Variants in C12orf42 observed in about 807,000 individuals in gnomAD.
C12orf42 encodes the protein uncharacterized protein C12orf42.
A neutral mutation model predicts 21.6 loss-of-function variants in C12orf42; 25 were observed. The observed-to-expected ratio is 1.16, with a 90% CI of 0.84 to 1.62. The LOEUF (loss-of-function observed/expected upper bound fraction) is 1.62. Among genes scored for constraint, C12orf42 ranks in the 40% most tolerant of loss-of-function variants. The pLI is 0.00. For missense variants in C12orf42, 483 were observed against 459.3 expected (o/e 1.05, Z -0.47); for synonymous variants, 174 against 175.0 (o/e 0.99, Z 0.05).
the C12orf42 span, among the ~76,000 whole-genome samples, chr12:103,075,219 T>C: frequency 6.6e-6 from 1 of 152,266 alleles, no homozygotes; most frequent in African/African-American, 2.4e-5. Flanking sequence ...TTAGTTTTCA[T>C]ATCTACTTTT....
chr12:103,190,553 T>C, the C12orf42 span, among the ~76,000 whole-genome samples: 2 of 152,112 alleles, frequency 1.3e-5, no homozygotes, highest in African/African-American at 2.4e-5. Context: ...TGAGGATAGA[T>C]AGAAATCATA....
intron 6 of C12orf42, among the ~76,000 whole-genome samples, chr12:103,269,169 T>A (rs1050214456): frequency 5.3e-5 from 8 of 152,286 alleles, no homozygotes; most frequent in Admixed American, 3.9e-4. Flanking sequence ...CAAAATGAAG[T>A]GCTATTTTAA....
chr12:103,056,136 G>A, the C12orf42 span, among the ~76,000 whole-genome samples: 7 of 152,132 alleles, frequency 4.6e-5, no homozygotes, highest in South Asian at 2.1e-4. Context: ...GGAGTATGTC[G>A]AAAGTCTCAA....
chr12:103,440,110 G>C (rs1240840858), intron 2 of C12orf42, among the ~76,000 whole-genome samples: 18 of 143,710 alleles, frequency 1.3e-4, no homozygotes, highest in Non-Finnish European at 2.1e-4. Flanking sequence ...CCTTTGTAGG[G>C]ACATGGATGA....
chr12:103,127,300 T>A, the C12orf42 span, among the ~76,000 whole-genome samples: 1 of 152,232 alleles, frequency 6.6e-6, no homozygotes, highest in Non-Finnish European at 1.5e-5. Context: ...AATATGTTAA[T>A]GGTATGGGAT....
intron 2 of C12orf42, among the ~76,000 whole-genome samples, chr12:103,464,970 C>T (rs772982925): frequency 6.6e-6 from 1 of 152,146 alleles, no homozygotes; most frequent in Non-Finnish European, 1.5e-5. Flanking sequence ...TTACTGTAGC[C>T]TTGTAGTGTA....
At chr12:103,498,044 AAAG>A (rs1955615495), upstream of C12orf42, among the ~76,000 whole-genome samples, 1 of 152,212 alleles carries the variant, frequency 6.6e-6, no homozygotes, top group African/African-American at 2.4e-5. Flanking sequence ...CAAAAAAAAA[AAAG>A]AAGAAAGAGA....
chr12:103,104,331 C>T, the C12orf42 span, among the ~76,000 whole-genome samples: 1 of 152,194 alleles, frequency 6.6e-6, no homozygotes, highest in Non-Finnish European at 1.5e-5. Context: ...TCAGCATAAA[C>T]AGCCAGAGTG....
At chr12:103,368,159 C>A (rs960771841) in intron 4 of C12orf42, 1 of 730,052 alleles carries the variant, frequency 1.4e-6, no homozygotes, top group Admixed American at 2.3e-5. Flanking sequence ...TCTATGGTGA[C>A]AATGTTATGG....
downstream of C12orf42, among the ~76,000 whole-genome samples, chr12:103,233,917 T>C (rs1226164202): frequency 6.6e-6 from 1 of 152,186 alleles, no homozygotes; most frequent in African/African-American, 2.4e-5. Flanking sequence ...GTAAGTACAG[T>C]ATTAGCTATA....
intron 2 of C12orf42, among the ~76,000 whole-genome samples, chr12:103,407,372 A>T (rs894807548): frequency 2.6e-5 from 4 of 152,194 alleles, no homozygotes; most frequent in Non-Finnish European, 2.9e-5. Flanking sequence ...CTACTAATAC[A>T]GTGATTTTCT....
the C12orf42 span, among the ~76,000 whole-genome samples, chr12:103,108,093 C>T: frequency 6.6e-6 from 1 of 150,950 alleles, no homozygotes; most frequent in East Asian, 1.9e-4. Flanking sequence ...CCAAACACCA[C>T]CTGTTCCCCA....
At chr12:103,438,508 T>C (rs1318147643) in intron 2 of C12orf42, among the ~76,000 whole-genome samples, 1 of 151,998 alleles carries the variant, frequency 6.6e-6, no homozygotes, top group Non-Finnish European at 1.5e-5. Flanking sequence ...CTGGAAAACC[T>C]CATTGTCTCA....
intron 4 of C12orf42, among the ~76,000 whole-genome samples, chr12:103,283,771 G>T (rs935474314): frequency 6.6e-5 from 10 of 152,144 alleles, no homozygotes; most frequent in Non-Finnish European, 1.3e-4. Flanking sequence ...GCACCAATTT[G>T]TTCCTAGTGC....
chr12:103,375,997 A>C (rs1202397642), intron 3 of C12orf42, among the ~76,000 whole-genome samples: 1 of 152,188 alleles, frequency 6.6e-6, no homozygotes, highest in African/African-American at 2.4e-5. Context: ...AGAAAATAAT[A>C]TCTACCATCT....
At chr12:103,520,800 A>G in the C12orf42 span, among the ~76,000 whole-genome samples, 2 of 152,232 alleles carry the variant, frequency 1.3e-5, no homozygotes, top group Non-Finnish European at 2.9e-5. Context: ...TGCCCAGTCC[A>G]GACACTCATC....
At chr12:103,369,331 T>A (rs1282314731) in intron 3 of C12orf42, among the ~76,000 whole-genome samples, 2 of 150,208 alleles carry the variant, frequency 1.3e-5, no homozygotes, top group Admixed American at 6.6e-5. Context: ...AAAATTGACA[T>A]ATTAGTGGAG....
the C12orf42 span, among the ~76,000 whole-genome samples, chr12:103,150,001 T>C: frequency 0.017 from 2,538 of 152,330 alleles, 28 homozygotes; most frequent in South Asian, 0.034. Context: ...CCTTCCCCTA[T>C]ATGATAGCTT....
At chr12:103,211,218 G>T in the C12orf42 span, among the ~76,000 whole-genome samples, 1 of 152,104 alleles carries the variant, frequency 6.6e-6, no homozygotes, top group Non-Finnish European at 1.5e-5. Flanking sequence ...TGGAGATTTT[G>T]TTTATCTAAA....
Sources: allele counts gnomAD v4.1 joint callset (sites outside exome capture counted in the v4.1 genomes callset), GRCh38; gene constraint gnomAD v4.1.1; transcripts MANE v1.5; gene names NCBI Gene and HGNC (gene_info 2026-07-23, HGNC 2026-07-21).